ITGA9: variants seen among roughly 807,000 people sequenced by gnomAD.
The protein encoded by ITGA9 is integrin alpha-9.
In ITGA9, 56 loss-of-function variants were observed where a neutral mutation model predicts 127.8. The ratio of observed to expected loss-of-function variants is 0.44; its 90% CI spans 0.35 to 0.55. ITGA9 has a LOEUF of 0.55. Ranked by LOEUF, ITGA9 falls within the 20% of genes least tolerant of loss-of-function variation. ITGA9 has a pLI of 0.00. For missense variants in ITGA9, 1,196 were observed against 1,347.1 expected, an observed-to-expected ratio of 0.89 and a Z score of 1.76; for synonymous variants, 508 against 514.5, an observed-to-expected ratio of 0.99 and a Z score of 0.17.
At chr3:37,537,329 T>TA (rs993688958) in intron 14 of ITGA9, among the ~76,000 whole-genome samples, 16 of 100,566 alleles carry the variant, frequency 1.6e-4, no homozygotes, top group Non-Finnish European at 4.5e-5. Flanking sequence ...AAGGAGCGAG[T>TA]TCCTTTGCCC....
At chr3:37,456,142 G>T (rs772430429) in intron 1 of ITGA9, among the ~76,000 whole-genome samples, 1 of 152,136 alleles carries the variant, frequency 6.6e-6, no homozygotes, top group African/African-American at 2.4e-5. Flanking sequence ...GAGTGGTCCC[G>T]CTGTCACTGT....
At chr3:37,523,457 T>C (rs1027833024) in intron 11 of ITGA9, 64 bp from the exon 12 acceptor site, 4 of 1,243,160 alleles carry the variant, frequency 3.2e-6, no homozygotes, top group Non-Finnish European at 4.8e-6. Context: ...AATAAAGCAG[T>C]CACAGTTCTT....
chr3:37,649,854 A>C (rs969501037), intron 16 of ITGA9, among the ~76,000 whole-genome samples: 4 of 152,244 alleles, frequency 2.6e-5, no homozygotes, highest in African/African-American at 7.2e-5. Flanking sequence ...GATCGAAATC[A>C]TACCAAGTAT....
Position 37,567,960 on chromosome 3 carries a change from C to T in ITGA9, c.1689+25375C>T, listed in dbSNP as rs116539658. Among the ~76,000 whole-genome samples, 538 of 152,294 alleles carry T rather than the reference C, an allele frequency of 3.5e-3. 4 individuals are homozygous for T. Among genetic ancestry groups the T allele is most frequent in the Non-Finnish European group, 4.4e-3 (296 of 68,032 alleles). On this transcript the variant is annotated intron_variant, in intron 15 of 27. Coordinates refer to ENST00000264741, the MANE Select transcript of ITGA9 (RefSeq NM_002207.3). ...CTAGGGTCTGGAGGATGGGGGCCGT[C>T]TTCTCACAGCTCCACTAGGCAGTGC...
chr3:37,494,413 A>G, intron 4 of ITGA9, 88 bp from the exon 5 acceptor site: 1 of 921,974 alleles, frequency 1.1e-6, no homozygotes, highest in Non-Finnish European at 1.8e-6. Context: ...ACTCGTGGGA[A>G]GTGGCTGGCT....
intron 15 of ITGA9, among the ~76,000 whole-genome samples, chr3:37,550,638 T>C (rs773648639): frequency 1.6e-4 from 24 of 152,218 alleles, no homozygotes; most frequent in Non-Finnish European, 3.2e-4. Context: ...TTTAAGAGCA[T>C]AGATGATAGT....
chr3:37,780,534 G>A (rs1197910340), intron 25 of ITGA9, among the ~76,000 whole-genome samples: 1 of 151,128 alleles, frequency 6.6e-6, no homozygotes, highest in Non-Finnish European at 1.5e-5. Flanking sequence ...GTGTGTGTGT[G>A]TATATATATA....
chr3:37,545,801 T>C (rs1439860941), intron 15 of ITGA9, among the ~76,000 whole-genome samples: 1 of 152,212 alleles, frequency 6.6e-6, no homozygotes, highest in Non-Finnish European at 1.5e-5. Context: ...CATCGGGCTC[T>C]CCATGCCCTG....
At chr3:37,624,683 C>G (rs1334864931) in intron 15 of ITGA9, among the ~76,000 whole-genome samples, 1 of 152,188 alleles carries the variant, frequency 6.6e-6, no homozygotes, top group South Asian at 2.1e-4. Context: ...TTGCAGCTCA[C>G]TGCACCTCCG....
At chr3:37,485,403 C>A (rs1192378601) in intron 4 of ITGA9, among the ~76,000 whole-genome samples, 1 of 151,820 alleles carries the variant, frequency 6.6e-6, no homozygotes. Context: ...GGGTTGAGGA[C>A]GGCTCTGCTG....
At chr3:37,718,510 A>G (rs1397998209) in intron 18 of ITGA9, among the ~76,000 whole-genome samples, 3 of 152,152 alleles carry the variant, frequency 2.0e-5, no homozygotes, top group African/African-American at 7.2e-5. Context: ...TCAATCTCTT[A>G]ACTTCAAAAA....
At chr3:37,455,669 A>T (rs1334894426) in intron 1 of ITGA9, among the ~76,000 whole-genome samples, 40 of 152,350 alleles carry the variant, frequency 2.6e-4, no homozygotes, top group Admixed American at 2.6e-3. Context: ...CTCTTCTCGA[A>T]GAAATTATTC....
chr3:37,750,685 T>C (rs891271418), intron 23 of ITGA9, 116 bp downstream of exon 23: 4 of 779,522 alleles, frequency 5.1e-6, no homozygotes, highest in African/African-American at 5.1e-5. Flanking sequence ...CAACTCATTC[T>C]ACCCTTTGGA....
chr3:37,672,451 G>T (rs1338626215), intron 17 of ITGA9, among the ~76,000 whole-genome samples: 1 of 152,184 alleles, frequency 6.6e-6, no homozygotes, highest in Non-Finnish European at 1.5e-5. Flanking sequence ...CGCCATGGTT[G>T]TGAGGCCTCC....
intron 18 of ITGA9, among the ~76,000 whole-genome samples, chr3:37,728,696 T>C (rs187878766): frequency 6.8e-4 from 104 of 151,904 alleles, no homozygotes; most frequent in Non-Finnish European, 1.2e-3. Context: ...CTCATCCTCC[T>C]TTTGTTGCCT....
chr3:37,746,361 A>G (rs1366110721), intron 22 of ITGA9, among the ~76,000 whole-genome samples: 1 of 152,196 alleles, frequency 6.6e-6, no homozygotes, highest in Non-Finnish European at 1.5e-5. Flanking sequence ...TTTACATTTC[A>G]TCATAGTTTT....
intron 15 of ITGA9, among the ~76,000 whole-genome samples, chr3:37,581,211 G>A (rs147522709): frequency 5.3e-5 from 8 of 152,328 alleles, no homozygotes; most frequent in South Asian, 2.1e-4. Context: ...CCAGCTAGGA[G>A]GCAAGAACAG....
At chr3:37,465,260 A>C (rs2125549795) in intron 1 of ITGA9, among the ~76,000 whole-genome samples, 1 of 152,266 alleles carries the variant, frequency 6.6e-6, no homozygotes, top group East Asian at 1.9e-4. Context: ...TTACCTGCAG[A>C]TTACCCTCAA....
At chr3:37,556,920 G>A (rs1484009959) in intron 15 of ITGA9, among the ~76,000 whole-genome samples, 3 of 152,216 alleles carry the variant, frequency 2.0e-5, no homozygotes, top group Non-Finnish European at 4.4e-5. Context: ...CCACGCTGAT[G>A]TGTGTTAATG....
Sources: gnomAD v4.1 joint callset for allele counts (sites outside exome capture counted in the v4.1 genomes callset) on GRCh38, gnomAD v4.1.1 for gene constraint, MANE v1.5 for transcripts, NCBI Gene and HGNC (gene_info 2026-07-23, HGNC 2026-07-21) for gene names.